Variants in DLG1 observed in about 807,000 individuals in gnomAD.
DLG1 encodes the protein discs large MAGUK scaffold protein 1, also known as disks large homolog 1.
A neutral mutation model predicts 123.4 loss-of-function variants in DLG1; 42 were observed. That is an observed-to-expected ratio of 0.34 (90% CI 0.27 to 0.44). The LOEUF is 0.44. DLG1 is among the 20% of genes least tolerant of loss of function. The pLI is 1.00. For synonymous variants in DLG1, 317 were observed against 356.2 expected (o/e 0.89, Z 1.24); for missense variants, 942 against 1,082.6 (o/e 0.87, Z 1.82).
chr3:197,107,208 A>C (rs1246850772), intron 13 of DLG1, among the ~76,000 whole-genome samples: 1 of 152,140 alleles, frequency 6.6e-6, no homozygotes, highest in Non-Finnish European at 1.5e-5. Flanking sequence ...TTCATTCCTT[A>C]TATTTAGTGG....
chr3:197,286,484 G>A (rs1016405594), intron 3 of DLG1, among the ~76,000 whole-genome samples: 4 of 152,140 alleles, frequency 2.6e-5, no homozygotes, highest in African/African-American at 7.2e-5. Context: ...AGAATGTAAC[G>A]CCGCTACTGA....
intron 5 of DLG1, among the ~76,000 whole-genome samples, chr3:197,152,941 C>A (rs1398072776): frequency 6.6e-6 from 1 of 152,070 alleles, no homozygotes; most frequent in African/African-American, 2.4e-5. Flanking sequence ...TGTTAAAATA[C>A]ATTCTAAGAT....
At position 197,145,051 on chromosome 3, in the gene DLG1, T is replaced by TCACA. The variant is rs776756471; in HGVS notation, c.538-2284_538-2283insTGTG. On this transcript the variant is annotated intron_variant, in intron 6 of 24. Transcript: ENST00000667157. The stretch of plus-strand genomic sequence containing the variant: ...AGCTCGCTTGCTTGCTCTCTCTCTC[T>TCACA]CTCTCACACACACACACACACACAC... 5.6e-4 allele frequency among the ~76,000 whole-genome samples: 80 copies of TCACA among 143,258 alleles called. 1 individual carries two copies. Among genetic ancestry groups the TCACA allele is most frequent in the Non-Finnish European group, 8.9e-4 (58 of 65,336 alleles). 94.0% of individuals were successfully genotyped at this position (143,258 alleles called of 152,430 possible).
At position 197,226,043 on chromosome 3, in the gene DLG1, G is replaced by T. The variant is rs182123277; in HGVS notation, c.319-31454C>A. 5 of 152,538 alleles carry T rather than the reference G, an allele frequency of 3.3e-5. No homozygotes were observed. In the East Asian group the frequency reaches 9.7e-4, roughly 29 times the overall value. 9.4% of individuals were successfully genotyped at this position (152,538 alleles called of 1,614,324 possible). On this transcript the variant is annotated intron_variant, in intron 4 of 24. Transcript: ENST00000667157. ...GTGCATGTTGTTTGCTGACTGTCTTGAACATTTAATCTAGATCCAAAGCAT... is the reference window on the plus strand; with the variant it reads ...GTGCATGTTGTTTGCTGACTGTCTTTAACATTTAATCTAGATCCAAAGCAT...
intron 5 of DLG1, among the ~76,000 whole-genome samples, chr3:197,185,686 G>A (rs1203298882): frequency 6.6e-6 from 1 of 152,192 alleles, no homozygotes; most frequent in Non-Finnish European, 1.5e-5. Context: ...TAATTGGTCT[G>A]GCCCTAAAAT....
intron 15 of DLG1, among the ~76,000 whole-genome samples, chr3:197,088,120 T>TC (rs932827506): frequency 3.9e-5 from 6 of 151,912 alleles, no homozygotes; most frequent in Non-Finnish European, 1.5e-5. Flanking sequence ...AGCCAATTTA[T>TC]CCCCCCCTTT....
chr3:197,180,324 A>G (rs1247122962), intron 5 of DLG1, among the ~76,000 whole-genome samples: 1 of 152,152 alleles, frequency 6.6e-6, no homozygotes, highest in Non-Finnish European at 1.5e-5. Context: ...TGAATATAAA[A>G]ACTGGTCCCA....
rs150546567 is a variant in DLG1 at position 197,211,753 on chromosome 3, G to C, written c.319-17164C>G. On this transcript the variant is annotated intron_variant, in intron 4 of 24. Coordinates refer to ENST00000667157, the MANE Select transcript of DLG1 (RefSeq NM_001366207.1). ...CATTTGACCCAGCAATCCCATTACT[G>C]GTTATATACCTAGAGGAATATAAAT... 1.6e-3 allele frequency among the ~76,000 whole-genome samples: 241 copies of C among 146,232 alleles called. 6 individuals are homozygous for C. The highest frequency in any genetic ancestry group is 5.6e-3 in the African/African-American group (231 of 41,096).
At position 197,228,226 on chromosome 3, in the gene DLG1, A is replaced by C. The variant is rs534839046; in HGVS notation, c.319-33637T>G. 4.6e-5 allele frequency among the ~76,000 whole-genome samples: 7 copies of C among 152,308 alleles called. No homozygotes were observed. In the South Asian group the frequency reaches 1.0e-3, roughly 23 times the overall value. ...TACAACTTCTCCAATTTTTGTGCACATGGAGGATTTGTCTCATTGATCATG... is the reference window on the plus strand; with the variant it reads ...TACAACTTCTCCAATTTTTGTGCACCTGGAGGATTTGTCTCATTGATCATG... On this transcript the variant is annotated intron_variant, in intron 4 of 24. Coordinates refer to ENST00000667157, the MANE Select transcript of DLG1 (RefSeq NM_001366207.1).
At chr3:197,162,748 G>A (rs1799306421) in intron 5 of DLG1, among the ~76,000 whole-genome samples, 1 of 152,118 alleles carries the variant, frequency 6.6e-6, no homozygotes, top group Non-Finnish European at 1.5e-5. Context: ...TATGAGATTT[G>A]AAAACATAAA....
At chr3:197,263,592 G>T (rs886816798) in intron 4 of DLG1, among the ~76,000 whole-genome samples, 2 of 152,228 alleles carry the variant, frequency 1.3e-5, no homozygotes, top group African/African-American at 2.4e-5. Flanking sequence ...TTCGAGACCA[G>T]CCTGGCCAAC....
chr3:197,213,928 G>C (rs1732630127), intron 4 of DLG1, among the ~76,000 whole-genome samples: 1 of 152,122 alleles, frequency 6.6e-6, no homozygotes, highest in South Asian at 2.1e-4. Flanking sequence ...AGTCATGAGA[G>C]GCAACTGGCT....
At chr3:197,133,837 T>A (rs1783832054) in intron 10 of DLG1, among the ~76,000 whole-genome samples, 1 of 152,072 alleles carries the variant, frequency 6.6e-6, no homozygotes, top group South Asian at 2.1e-4. Context: ...TGAAAAAGTG[T>A]TAGAAGGAGG....
At chr3:197,282,570 A>T (rs1388425384) in intron 4 of DLG1, 109 bp downstream of exon 4, 2 of 738,790 alleles carry the variant, frequency 2.7e-6, no homozygotes, top group Non-Finnish European at 3.9e-6. Flanking sequence ...TTATACTTCC[A>T]TAACAAAATC....
chr3:197,089,801 T>C (rs1478440163), intron 15 of DLG1, among the ~76,000 whole-genome samples: 2 of 152,198 alleles, frequency 1.3e-5, no homozygotes, highest in African/African-American at 4.8e-5. Flanking sequence ...TAAAATACTT[T>C]TAATGACTTT....
intron 11 of DLG1, among the ~76,000 whole-genome samples, chr3:197,120,097 C>CA (rs1020658512): frequency 1.3e-5 from 2 of 151,490 alleles, no homozygotes; most frequent in Non-Finnish European, 1.5e-5. Context: ...CCATCTCTAC[C>CA]AAAAAAATAC....
At chr3:197,284,962 C>T (rs999783601) in intron 3 of DLG1, among the ~76,000 whole-genome samples, 1 of 151,046 alleles carries the variant, frequency 6.6e-6, no homozygotes, top group African/African-American at 2.4e-5. Context: ...TAAGAAACCT[C>T]CAAAAATCAA....
At chr3:197,101,605 G>A (rs1318217373) in intron 14 of DLG1, among the ~76,000 whole-genome samples, 1 of 152,080 alleles carries the variant, frequency 6.6e-6, no homozygotes, top group Non-Finnish European at 1.5e-5. Flanking sequence ...TAGCCAGAAT[G>A]GTCTCTATCT....
At chr3:197,067,083 A>C (rs911619895) in intron 19 of DLG1, among the ~76,000 whole-genome samples, 2 of 152,144 alleles carry the variant, frequency 1.3e-5, no homozygotes, top group Non-Finnish European at 2.9e-5. Context: ...TTAAAGATTA[A>C]TGCTTTAATG....
Sources: gnomAD v4.1 joint callset for allele counts (sites outside exome capture counted in the v4.1 genomes callset) on GRCh38, gnomAD v4.1.1 for gene constraint, MANE v1.5 for transcripts, NCBI Gene and HGNC (gene_info 2026-07-23, HGNC 2026-07-21) for gene names.